Variants in CSMD1 observed in about 807,000 individuals in gnomAD.
CSMD1 encodes CUB and Sushi multiple domains 1.
CSMD1 carries 213 observed loss-of-function variants against 417.5 expected under a neutral mutation model. That is an observed-to-expected ratio of 0.51 (90% CI 0.46 to 0.57). CSMD1 has a LOEUF of 0.57. CSMD1 is among the 20% of genes least tolerant of loss of function. The probability of loss-of-function intolerance (pLI) is 0.00; values close to 1 mark genes in which losing one functional copy is unlikely to be tolerated. For synonymous variants in CSMD1, 2,862 were observed against 1,736.8 expected (o/e 1.65, Z -16.11); for missense variants, 6,923 against 4,529.7 (o/e 1.53, Z -15.17).
intron 1 of CSMD1, among the ~76,000 whole-genome samples, chr8:4,835,506 T>G (rs1414559525): frequency 1.3e-5 from 2 of 152,126 alleles, no homozygotes; most frequent in Non-Finnish European, 2.9e-5. Context: ...TGTGAAACAA[T>G]GAGGTACGCA....
chr8:4,849,386 A>G (rs538954751), intron 1 of CSMD1, among the ~76,000 whole-genome samples: 138 of 152,128 alleles, frequency 9.1e-4, no homozygotes, highest in African/African-American at 3.3e-3. Flanking sequence ...TCTTTATTCA[A>G]TAGAATAAAG....
Position 4,434,811 on chromosome 8 carries a change from A to AC in CSMD1, c.303-14747dup, listed in dbSNP as rs1259367715. On this transcript the variant is annotated intron_variant, in intron 2 of 69. Coordinates refer to ENST00000635120, the MANE Select transcript of CSMD1 (RefSeq NM_033225.6). ...GACCCTGCACCGCCCATGAAGCCCT[A>AC]CTTCACCAGGGCTCAACCATCCATA... Among the ~76,000 whole-genome samples, 5 of 152,134 alleles carry AC rather than the reference A, an allele frequency of 3.3e-5. 1 individual carries two copies. Among genetic ancestry groups the AC allele is most frequent in the African/African-American group, 1.2e-4 (5 of 41,426 alleles).
At chr8:4,711,564 G>C (rs1370723208) in intron 1 of CSMD1, among the ~76,000 whole-genome samples, 1 of 151,574 alleles carries the variant, frequency 6.6e-6, no homozygotes, top group African/African-American at 2.4e-5. Flanking sequence ...AAAGGACAGA[G>C]AAATTTGAAA....
chr8:3,542,287 T>C (rs538183593), intron 10 of CSMD1, among the ~76,000 whole-genome samples: 110 of 152,328 alleles, frequency 7.2e-4, no homozygotes, highest in Middle Eastern at 3.4e-3. Context: ...AGATGGTTCA[T>C]TCATTCAGAT....
intron 5 of CSMD1, among the ~76,000 whole-genome samples, chr8:3,816,235 C>T (rs748594012): frequency 2.1e-4 from 32 of 152,124 alleles, no homozygotes; most frequent in Admixed American, 1.4e-3. Context: ...GTGTTATATT[C>T]GATCCTGGTT....
rs192699761 is a variant in CSMD1, at chr8:3,643,968, C to G, written c.1010-27171G>C. ...ATGAAATGTGGTAGATAGGACAATTCTAACAGAAGAGAACACGGTGAATTC... is the reference window on the plus strand; with the variant it reads ...ATGAAATGTGGTAGATAGGACAATTGTAACAGAAGAGAACACGGTGAATTC... On this transcript the variant is annotated intron_variant, in intron 7 of 69. Coordinates refer to ENST00000635120, the MANE Select transcript of CSMD1 (RefSeq NM_033225.6). Among the ~76,000 whole-genome samples the G allele has an allele frequency of 7.2e-5, 11 of 152,292 alleles. No individual in the cohort carries two copies. In the East Asian group the frequency reaches 1.9e-3, roughly 27 times the overall value.
chr8:4,159,213 G>T (rs1237083672), intron 3 of CSMD1, among the ~76,000 whole-genome samples: 1 of 152,108 alleles, frequency 6.6e-6, no homozygotes, highest in African/African-American at 2.4e-5. Context: ...ACCGTGCCCA[G>T]CCCGTAATTC....
intron 23 of CSMD1, among the ~76,000 whole-genome samples, chr8:3,315,398 C>T (rs924007913): frequency 2.0e-5 from 3 of 150,922 alleles, no homozygotes; most frequent in African/African-American, 7.3e-5. Context: ...TTTTACAATA[C>T]ATCTCTCTTT....
At chr8:3,065,585 C>T (rs1812888267) in intron 49 of CSMD1, among the ~76,000 whole-genome samples, 1 of 151,476 alleles carries the variant, frequency 6.6e-6, no homozygotes, top group South Asian at 2.1e-4. Flanking sequence ...TACATAGATA[C>T]ACAGATCGAT....
At chr8:3,505,400 G>C (rs1004768889) in intron 10 of CSMD1, among the ~76,000 whole-genome samples, 3 of 152,158 alleles carry the variant, frequency 2.0e-5, no homozygotes, top group Non-Finnish European at 4.4e-5. Flanking sequence ...GAAGTTTCTT[G>C]AGAAATAATT....
At chr8:4,217,679 C>T (rs767286196) in intron 3 of CSMD1, among the ~76,000 whole-genome samples, 4 of 151,418 alleles carry the variant, frequency 2.6e-5, no homozygotes, top group Non-Finnish European at 5.9e-5. Context: ...AAATTAGGAG[C>T]TAATTTTGTT....
At chr8:3,712,779 G>C (rs1801601535) in intron 6 of CSMD1, among the ~76,000 whole-genome samples, 1 of 152,106 alleles carries the variant, frequency 6.6e-6, no homozygotes, top group Non-Finnish European at 1.5e-5. Context: ...GGTGTCTGTT[G>C]GGTAAGGTGA....
chr8:3,974,299 T>C (rs960066253), intron 5 of CSMD1, among the ~76,000 whole-genome samples: 25 of 151,878 alleles, frequency 1.6e-4, no homozygotes, highest in African/African-American at 5.3e-4. Flanking sequence ...AGTATTCTTT[T>C]TTGATTTTTT....
chr8:3,904,767 G>C (rs1584941564), intron 5 of CSMD1, among the ~76,000 whole-genome samples: 2 of 151,528 alleles, frequency 1.3e-5, no homozygotes, highest in South Asian at 2.1e-4. Flanking sequence ...CTCCCAAGTA[G>C]CTGAGATTAC....
intron 52 of CSMD1, among the ~76,000 whole-genome samples, chr8:3,003,942 G>A (rs1368784926): frequency 5.9e-5 from 9 of 152,204 alleles, no homozygotes; most frequent in Admixed American, 5.9e-4. Flanking sequence ...TTTGCTAGGA[G>A]GGTGACCATT....
chr8:4,722,213 T>A (rs1178703492), intron 1 of CSMD1, among the ~76,000 whole-genome samples: 1 of 152,180 alleles, frequency 6.6e-6, no homozygotes, highest in Non-Finnish European at 1.5e-5. Flanking sequence ...ATATATTAAA[T>A]ATATTGCTTT....
At chr8:4,667,562 T>A (rs1228600430) in intron 1 of CSMD1, among the ~76,000 whole-genome samples, 15 of 152,202 alleles carry the variant, frequency 9.9e-5, no homozygotes, top group Admixed American at 9.2e-4. Context: ...TAGTTCAAAA[T>A]TCAGATTTTT....
chr8:3,838,606 TTATA>T (rs1235269991), intron 5 of CSMD1, among the ~76,000 whole-genome samples: 1 of 139,138 alleles, frequency 7.2e-6, no homozygotes, highest in Non-Finnish European at 1.5e-5. Flanking sequence ...ATATAAATAT[TTATA>T]TATAATAAAT....
At chr8:3,237,039 C>G (rs1189004430) in intron 26 of CSMD1, among the ~76,000 whole-genome samples, 1 of 151,930 alleles carries the variant, frequency 6.6e-6, no homozygotes, top group East Asian at 1.9e-4. Context: ...CCTGCGCTGC[C>G]CTTCACAAAA....
Sources: allele counts gnomAD v4.1 joint callset (sites outside exome capture counted in the v4.1 genomes callset), GRCh38; gene constraint gnomAD v4.1.1; transcripts MANE v1.5; gene names NCBI Gene and HGNC (gene_info 2026-07-23, HGNC 2026-07-21).